PFKP: variants seen among roughly 807,000 people sequenced by gnomAD.
PFKP encodes the protein ATP-dependent 6-phosphofructokinase, platelet type.
Under a neutral mutation model 94.3 loss-of-function variants are expected in PFKP, and 101 were observed. The observed-to-expected ratio is 1.07, with a 90% CI of 0.91 to 1.26. The LOEUF is 1.26. Among genes scored for constraint, PFKP ranks in the 50% most tolerant of loss-of-function variants. PFKP has a pLI of 0.00. For missense variants in PFKP, 1,145 were observed against 1,103.3 expected, an observed-to-expected ratio of 1.04 and a Z score of -0.53; for synonymous variants, 573 against 432.6, an observed-to-expected ratio of 1.32 and a Z score of -4.03.
intron 7 of PFKP, 41 bp downstream of exon 7, chr10:3,105,542 G>C (rs1301258657): frequency 7.3e-7 from 1 of 1,365,908 alleles, no homozygotes; most frequent in Non-Finnish European, 1.0e-6. Flanking sequence ...GGCGATGCTG[G>C]CTGCATTGCT....
chr10:3,114,840 G>A (rs552776567), intron 13 of PFKP, among the ~76,000 whole-genome samples: 5 of 152,368 alleles, frequency 3.3e-5, no homozygotes, highest in African/African-American at 4.8e-5. Flanking sequence ...TGGCTTTTAT[G>A]TTATGTGAGA....
chr10:3,109,549 C>T (rs760582066), intron 10 of PFKP, 69 bp downstream of exon 10: 86 of 1,560,340 alleles, frequency 5.5e-5, no homozygotes, highest in Non-Finnish European at 7.3e-5. Context: ...GTCAGGCCAG[C>T]CTGGGCACCT....
intron 14 of PFKP, among the ~76,000 whole-genome samples, chr10:3,117,550 C>CCTTTG (rs1226833865): frequency 6.6e-6 from 1 of 152,114 alleles, no homozygotes; most frequent in Non-Finnish European, 1.5e-5. Flanking sequence ...TTAGCTGCAC[C>CCTTTG]CTTTGCTTTG....
rs780270661 is a variant in PFKP, at chr10:3,108,742, C to T, written c.912C>T (p.Ile304=). Reference sequence around the variant, plus strand: ...TGGGCTATGACACACGTGTGACCATCCTCGGGCACGTGCAGAGAGGAGGGA... The same window carrying T: ...TGGGCTATGACACACGTGTGACCATTCTCGGGCACGTGCAGAGAGGAGGGA... ...TQLGYDTRVT[I]LGHVQRGGTP... Residue 304 remains isoleucine, a synonymous_variant, in exon 9 of 22, where the codon ATC becomes ATT. Transcript: ENST00000381125. The T allele has an allele frequency of 3.7e-6, 6 of 1,613,886 alleles. No homozygotes were observed. Among genetic ancestry groups the T allele is most frequent in the Non-Finnish European group, 5.1e-6 (6 of 1,179,926 alleles).
chr10:3,068,335 C>CTG (rs1831899159), intron 1 of PFKP, among the ~76,000 whole-genome samples: 1 of 152,110 alleles, frequency 6.6e-6, no homozygotes, highest in Non-Finnish European at 1.5e-5. Context: ...TCCCGCCTGG[C>CTG]GTCTCCAGGG....
At chr10:3,128,887 G>A (rs1838249682) in intron 16 of PFKP, 1 of 152,348 alleles carries the variant, frequency 6.6e-6, no homozygotes, top group African/African-American at 2.4e-5. Context: ...ATATCCAAAG[G>A]CCCCAGGAGG....
Position 3,135,983 on chromosome 10 carries a change from T to C in PFKP, c.2225+145T>C, listed in dbSNP as rs544981784. ...GCTCAGTTAAAAAAATACTAGGTCT[T>C]GGCTGGGCGCGGTGGCTCATGCCTA... is the stretch of plus-strand genomic sequence containing the variant. On this transcript the variant is annotated intron_variant, in intron 21 of 21. Transcript: ENST00000381125. The C allele has an allele frequency of 4.9e-6, 3 of 615,742 alleles. No individual in the cohort carries two copies. In the East Asian group the frequency reaches 8.4e-5, roughly 17 times the overall value. 38.1% of individuals were successfully genotyped at this position (615,742 alleles called of 1,614,324 possible). A position where few individuals can be genotyped will look rare whatever the true frequency, so the allele number is the denominator to read the frequency against.
Position 3,067,677 on chromosome 10 carries a change from G to T in PFKP, c.82G>T (p.Gly28Cys). The change falls in exon 1 of 22, where the codon GGC becomes TGC. Residue 28 changes from glycine to cysteine, a missense_variant. This residue lies in a region of PFKP where 1,119 missense variants were observed against 1,062.8 expected (regional missense o/e 1.05). Coordinates refer to ENST00000381125, the MANE Select transcript of PFKP (RefSeq NM_002627.5). ...CCTCTCCGGGGCCGGCAAGGCCATC[G>T]GCGTGCTGACCAGCGGCGGGGATGC... ...EHLSGAGKAIGVLTSGGDAQG... is the reference protein window; with the variant it reads ...EHLSGAGKAICVLTSGGDAQG... The T allele has an allele frequency of 6.5e-7, 1 of 1,528,220 alleles. No individual in the cohort carries two copies. The highest frequency in any genetic ancestry group is 8.8e-7 in the Non-Finnish European group (1 of 1,137,230). 94.7% of individuals were successfully genotyped at this position (1,528,220 alleles called of 1,614,324 possible).
At chr10:3,067,847 A>G in intron 1 of PFKP, 140 bp downstream of exon 1, 1 of 469,726 alleles carries the variant, frequency 2.1e-6, no homozygotes. Context: ...AGCGATGGGG[A>G]GAACCGGGGA....
In PFKP at chr10:3,109,406, G is replaced by C. The variant is rs746208647; in HGVS notation, c.1015G>C (p.Asp339His). 1.2e-6 allele frequency: 2 copies of C among 1,610,578 alleles called. No individual in the cohort carries two copies. The highest frequency in any genetic ancestry group is 1.7e-6 in the Non-Finnish European group (2 of 1,180,012). The change falls in exon 10 of 22, where the codon GAC becomes CAC. Residue 339 changes from aspartate to histidine, a missense_variant. Physicochemically the swap from Asp to His is moderately conservative, Grantham distance 81 (BLOSUM62 -1). Coordinates refer to ENST00000381125, the MANE Select transcript of PFKP (RefSeq NM_002627.5). ...AVIALLEATP[D>H]TPACVVSLNG... ...CATCGCCTTGCTAGAGGCCACCCCGGACACCCCAGCTTGCGTCGTGTCACT... is the reference window on the plus strand; with the variant it reads ...CATCGCCTTGCTAGAGGCCACCCCGCACACCCCAGCTTGCGTCGTGTCACT...
chr10:3,126,017 G>A (rs1158791754), intron 16 of PFKP, among the ~76,000 whole-genome samples: 3 of 152,216 alleles, frequency 2.0e-5, no homozygotes, highest in African/African-American at 4.8e-5. Context: ...GGCCTGCATC[G>A]CGTGCGGGGA....
In PFKP at chr10:3,136,738, G is replaced by GC; in HGVS notation, c.*159_*160insC. 1 of 649,718 alleles carries GC rather than the reference G, an allele frequency of 1.5e-6. No homozygotes were observed. The highest frequency in any genetic ancestry group is 2.6e-6 in the Non-Finnish European group (1 of 381,610). The allele number at this position is 649,718 out of a possible 1,614,324, so 40.2% of individuals were successfully genotyped here. On this transcript the variant is annotated 3_prime_UTR_variant, in exon 22 of 22. Transcript: ENST00000381125. ...TGCTCCAGTGCGTGCTGTCTGTGGA[G>GC]TGTGTCTCATGCTTTCAGATGTGCA...
At chr10:3,073,953 C>T (rs1331686534) in intron 1 of PFKP, among the ~76,000 whole-genome samples, 2 of 152,030 alleles carry the variant, frequency 1.3e-5, no homozygotes, top group African/African-American at 2.4e-5. Context: ...TTTTCCTGTC[C>T]CAGCCTCCCA....
At chr10:3,125,852 G>T (rs1837892597) in intron 16 of PFKP, among the ~76,000 whole-genome samples, 1 of 152,228 alleles carries the variant, frequency 6.6e-6, no homozygotes, top group Admixed American at 6.5e-5. Flanking sequence ...AGCTGGACAT[G>T]AAGACCTATG....
chr10:3,081,719 T>A (rs934048949), intron 1 of PFKP, among the ~76,000 whole-genome samples: 1 of 152,164 alleles, frequency 6.6e-6, no homozygotes, highest in African/African-American at 2.4e-5. Flanking sequence ...TTATGATACA[T>A]TGTAAGCAGA....
intron 7 of PFKP, among the ~76,000 whole-genome samples, chr10:3,106,060 C>T (rs7342119): frequency 0.47 from 58,962 of 126,674 alleles, 17,457 homozygotes; most frequent in South Asian, 0.66. Context: ...TGTCCGCTCA[C>T]GCCGTTTTCT....
intron 5 of PFKP, 143 bp downstream of exon 5, chr10:3,104,087 G>C: frequency 1.5e-6 from 1 of 662,692 alleles, no homozygotes; most frequent in Non-Finnish European, 2.5e-6. Context: ...GCTATTGCCA[G>C]AACATTGTTC....
At chr10:3,117,350 TC>T in intron 14 of PFKP, among the ~76,000 whole-genome samples, 1 of 152,298 alleles carries the variant, frequency 6.6e-6, no homozygotes, top group East Asian at 1.9e-4. Context: ...CGTCCCTGCA[TC>T]CCTGGGGACA....
At chr10:3,091,060 T>C (rs561708244) in intron 2 of PFKP, among the ~76,000 whole-genome samples, 1 of 152,280 alleles carries the variant, frequency 6.6e-6, no homozygotes, top group East Asian at 1.9e-4. Flanking sequence ...GAGGGACCTC[T>C]GCTGTCTGGC....
Sources: allele counts gnomAD v4.1 joint callset (sites outside exome capture counted in the v4.1 genomes callset), GRCh38; gene constraint gnomAD v4.1.1; regional missense constraint gnomAD v4.1.1; transcripts MANE v1.5; gene names NCBI Gene and HGNC (gene_info 2026-07-23, HGNC 2026-07-21).